COL26A1: variants seen among roughly 807,000 people sequenced by gnomAD.
COL26A1 encodes the protein collagen type XXVI alpha 1 chain, also known as collagen alpha-1(XXVI) chain.
A neutral mutation model predicts 59.3 loss-of-function variants in COL26A1; 41 were observed. That is an observed-to-expected ratio of 0.69 (90% CI 0.54 to 0.90). The LOEUF is 0.90. Ranked by LOEUF, COL26A1 falls within the 40% of genes least tolerant of loss-of-function variation. COL26A1 has a pLI of 0.00. For synonymous variants in COL26A1, 266 were observed against 256.0 expected, an observed-to-expected ratio of 1.04 and a Z score of -0.37; for missense variants, 612 against 602.3, an observed-to-expected ratio of 1.02 and a Z score of -0.17.
Position 101,420,211 on chromosome 7 carries a change from G to C in COL26A1, c.281+112G>C, listed in dbSNP as rs1792480186. On this transcript the variant is annotated intron_variant, in intron 2 of 12. Transcript: ENST00000313669. The stretch of plus-strand genomic sequence containing the variant: ...GGCTGTGCTCACAGACAAAGGCTGA[G>C]CATGCATTTATGGAGCACCTTCTGT... 3 of 1,312,392 alleles carry C rather than the reference G, an allele frequency of 2.3e-6. No individual in the cohort carries two copies. The South Asian group carries it at 3.8e-5, about 17-fold the overall frequency. The allele number at this position is 1,312,392 out of a possible 1,614,324, so 81.3% of individuals were successfully genotyped here. A position where few individuals can be genotyped will look rare whatever the true frequency, so the allele number is the denominator to read the frequency against.
intron 3 of COL26A1, among the ~76,000 whole-genome samples, chr7:101,510,086 A>G (rs1482370483): frequency 6.8e-6 from 1 of 146,836 alleles, no homozygotes; most frequent in Non-Finnish European, 1.5e-5. Context: ...CAGTGGTGCA[A>G]TCATGGCTTA....
intron 1 of COL26A1, among the ~76,000 whole-genome samples, chr7:101,387,778 A>ATTTTTTTTTTTTTTTTTTTTTTTT (rs1554404085): frequency 1.2e-5 from 1 of 84,810 alleles, no homozygotes; most frequent in Non-Finnish European, 2.2e-5. Flanking sequence ...ATATATATAT[A>ATTTTTTTTTTTTTTTTTTTTTTTT]TTTTTTTTTA....
intron 7 of COL26A1, among the ~76,000 whole-genome samples, chr7:101,546,477 T>C (rs550487815): frequency 6.6e-6 from 1 of 151,620 alleles, no homozygotes; most frequent in Non-Finnish European, 1.5e-5. Flanking sequence ...GGTCTCACTA[T>C]GTTGGGCAGG....
intron 3 of COL26A1, among the ~76,000 whole-genome samples, chr7:101,510,886 T>TTTTC (rs200164585): frequency 0.099 from 13,556 of 136,260 alleles, 710 homozygotes; most frequent in African/African-American, 0.12. Flanking sequence ...ACTTTTTTCT[T>TTTTC]TTTCTTTCTT....
At chr7:101,457,601 C>A (rs1041603979) in intron 3 of COL26A1, among the ~76,000 whole-genome samples, 3 of 152,148 alleles carry the variant, frequency 2.0e-5, no homozygotes, top group African/African-American at 7.2e-5. Context: ...AGGTTAGAAG[C>A]AAGATGGAGT....
intron 3 of COL26A1, among the ~76,000 whole-genome samples, chr7:101,521,836 C>G (rs926792966): frequency 3.3e-5 from 5 of 152,064 alleles, no homozygotes; most frequent in African/African-American, 9.7e-5. Context: ...TTAGACTCTT[C>G]CGCTTGTTTC....
chr7:101,473,984 T>TATCCTCC (rs1295483343), intron 3 of COL26A1, among the ~76,000 whole-genome samples: 3 of 152,168 alleles, frequency 2.0e-5, no homozygotes, highest in African/African-American at 7.2e-5. Context: ...TGTTGGAAAG[T>TATCCTCC]AGAGAGGCTG....
At chr7:101,414,411 G>T (rs1388335386) in intron 1 of COL26A1, among the ~76,000 whole-genome samples, 4 of 144,666 alleles carry the variant, frequency 2.8e-5, no homozygotes, top group Non-Finnish European at 6.0e-5. Flanking sequence ...TCTCTCGCTC[G>T]CTCTCGCTCT....
chr7:101,471,567 G>GTT (rs796287195), intron 3 of COL26A1, among the ~76,000 whole-genome samples: 24 of 112,412 alleles, frequency 2.1e-4, no homozygotes, highest in African/African-American at 7.7e-4. Flanking sequence ...TGTTGTTGTT[G>GTT]TTTGTTTTTT....
At chr7:101,511,560 T>C (rs1794926650) in intron 3 of COL26A1, among the ~76,000 whole-genome samples, 1 of 152,200 alleles carries the variant, frequency 6.6e-6, no homozygotes, top group Admixed American at 6.5e-5. Flanking sequence ...CTGGCCATGG[T>C]AGTCACCAAG....
intron 3 of COL26A1, among the ~76,000 whole-genome samples, chr7:101,453,998 A>G (rs1793406351): frequency 6.6e-6 from 1 of 152,102 alleles, no homozygotes; most frequent in South Asian, 2.1e-4. Flanking sequence ...TTTCCTTTCT[A>G]CATATGTCTA....
intron 5 of COL26A1, among the ~76,000 whole-genome samples, chr7:101,542,472 A>G (rs890170367): frequency 6.6e-6 from 1 of 152,194 alleles, no homozygotes; most frequent in Non-Finnish European, 1.5e-5. Flanking sequence ...CCTGAGGCTC[A>G]GAGAAGTTAA....
intron 1 of COL26A1, among the ~76,000 whole-genome samples, chr7:101,399,536 C>A (rs1791942596): frequency 6.6e-6 from 1 of 152,126 alleles, no homozygotes; most frequent in South Asian, 2.1e-4. Context: ...TTTGCCCAGG[C>A]TGGTCTTGAA....
intron 5 of COL26A1, among the ~76,000 whole-genome samples, chr7:101,543,382 C>T (rs1795659070): frequency 6.6e-6 from 1 of 152,020 alleles, no homozygotes; most frequent in South Asian, 2.1e-4. Flanking sequence ...GTGGCCCAGG[C>T]TGGTCTCAAA....
intron 1 of COL26A1, among the ~76,000 whole-genome samples, chr7:101,384,230 G>GTTTTTGTTTTTTTT (rs768170962): frequency 2.8e-5 from 3 of 105,682 alleles, no homozygotes; most frequent in African/African-American, 1.2e-4. Context: ...GTTCAGGCTG[G>GTTTTTGTTTTTTTT]TTTTTTTTTT....
intron 1 of COL26A1, among the ~76,000 whole-genome samples, chr7:101,387,766 A>ATTTTTTT (rs1443633156): frequency 2.6e-5 from 1 of 38,766 alleles, no homozygotes; most frequent in Non-Finnish European, 6.1e-5. Flanking sequence ...ATATATATAT[A>ATTTTTTT]TATATATATA....
At chr7:101,434,075 TCCCTCC>T (rs1792847938) in intron 2 of COL26A1, among the ~76,000 whole-genome samples, 1 of 95,232 alleles carries the variant, frequency 1.1e-5, no homozygotes, top group South Asian at 4.2e-4. Context: ...CCTCCCTCCC[TCCCTCC>T]CTCCCTCCCT....
intron 3 of COL26A1, among the ~76,000 whole-genome samples, chr7:101,488,374 A>G (rs1307310901): frequency 1.3e-5 from 1 of 76,514 alleles, no homozygotes; most frequent in African/African-American, 5.3e-5. Context: ...ATATATATAT[A>G]TATACACACA....
At chr7:101,453,533 C>T (rs190122789) in intron 3 of COL26A1, among the ~76,000 whole-genome samples, 1 of 152,194 alleles carries the variant, frequency 6.6e-6, no homozygotes, top group East Asian at 1.9e-4. Context: ...AGACCTCTGC[C>T]AGCCCCTCCC....
Sources: gnomAD v4.1 joint callset for allele counts (sites outside exome capture counted in the v4.1 genomes callset) on GRCh38, gnomAD v4.1.1 for gene constraint, MANE v1.5 for transcripts, NCBI Gene and HGNC (gene_info 2026-07-23, HGNC 2026-07-21) for gene names.